The following TTC7B variants were observed in gnomAD, a reference collection of about 807,000 sequenced individuals.
The protein encoded by TTC7B is tetratricopeptide repeat protein 7B.
In TTC7B, 28 loss-of-function variants were observed where a neutral mutation model predicts 106.8. That is an observed-to-expected ratio of 0.26 (90% confidence interval 0.19 to 0.36). The LOEUF (loss-of-function observed/expected upper bound fraction) is 0.36, where lower values mean the gene tolerates loss of function less well. Ranked by LOEUF, TTC7B falls within the 10% of genes least tolerant of loss-of-function variation. TTC7B has a pLI of 1.00. For missense variants in TTC7B, 862 were observed against 1,076.4 expected, an observed-to-expected ratio of 0.80 and a Z score of 2.79; for synonymous variants, 405 against 430.6, an observed-to-expected ratio of 0.94 and a Z score of 0.74.
chr14:90,584,830 A>T (rs375139221), intron 18 of TTC7B, among the ~76,000 whole-genome samples: 3 of 152,020 alleles, frequency 2.0e-5, no homozygotes, highest in African/African-American at 7.2e-5. Flanking sequence ...ACCTGATCGC[A>T]GGGTGTCTGC....
At chr14:90,550,996 G>A (rs532359683) in intron 19 of TTC7B, among the ~76,000 whole-genome samples, 138 of 152,286 alleles carry the variant, frequency 9.1e-4, no homozygotes, top group Non-Finnish European at 1.6e-3. Flanking sequence ...AGCACCCCCT[G>A]GGAGAAGATG....
At chr14:90,606,375 A>G (rs151020627) in intron 17 of TTC7B, among the ~76,000 whole-genome samples, 90 of 152,338 alleles carry the variant, frequency 5.9e-4, no homozygotes, top group African/African-American at 2.1e-3. Flanking sequence ...CCGCCGCTGC[A>G]ATTAGAAATT....
intron 3 of TTC7B, among the ~76,000 whole-genome samples, chr14:90,749,102 T>C (rs752497078): frequency 3.3e-5 from 5 of 152,254 alleles, no homozygotes; most frequent in Non-Finnish European, 5.9e-5. Context: ...ATAATTCTGC[T>C]ATCACCCTTA....
At chr14:90,590,834 T>TC (rs1229814793) in intron 18 of TTC7B, among the ~76,000 whole-genome samples, 1 of 152,212 alleles carries the variant, frequency 6.6e-6, no homozygotes, top group African/African-American at 2.4e-5. Context: ...CTAATTGACT[T>TC]CATTCATTCG....
intron 1 of TTC7B, among the ~76,000 whole-genome samples, chr14:90,814,743 C>A (rs551530290): frequency 6.6e-6 from 1 of 152,060 alleles, no homozygotes; most frequent in African/African-American, 2.4e-5. Context: ...CAGGTGAGCC[C>A]GACACGGAGG....
rs541822388 is a variant in TTC7B at position 90,683,006 on chromosome 14, C to T, written c.951-2471G>A. Among the ~76,000 whole-genome samples, 95 of 152,126 alleles carry T rather than the reference C, an allele frequency of 6.2e-4. 1 individual carries two copies. The highest frequency in any genetic ancestry group is 1.2e-3 in the Non-Finnish European group (80 of 68,024). ...TAGTAATCATCATCTTGCCAGGGCT[C>T]CCACATAATAGCTTTTTCTTAAAAA... On this transcript the variant is annotated intron_variant, in intron 7 of 19. Transcript: ENST00000328459.
At chr14:90,772,188 C>A (rs553906361) in intron 3 of TTC7B, among the ~76,000 whole-genome samples, 59 of 151,908 alleles carry the variant, frequency 3.9e-4, no homozygotes, top group African/African-American at 1.4e-3. Flanking sequence ...TTCTGCAGGG[C>A]AATCTGGAAA....
At chr14:90,550,654 C>T (rs971574535) in intron 19 of TTC7B, among the ~76,000 whole-genome samples, 4 of 152,256 alleles carry the variant, frequency 2.6e-5, no homozygotes, top group South Asian at 4.2e-4. Context: ...TTAGTGACTC[C>T]GAGAGGAGGG....
At chr14:90,795,360 T>C (rs1218553976) in intron 1 of TTC7B, among the ~76,000 whole-genome samples, 1 of 152,212 alleles carries the variant, frequency 6.6e-6, no homozygotes, top group East Asian at 1.9e-4. Context: ...GCGGGGACCT[T>C]ACACTCGAAT....
chr14:90,676,890 G>C (rs2139924342), intron 8 of TTC7B, among the ~76,000 whole-genome samples: 1 of 152,270 alleles, frequency 6.6e-6, no homozygotes, highest in Admixed American at 6.5e-5. Context: ...TGAACCTAGA[G>C]GGCACCTGTA....
At chr14:90,620,838 C>T (rs752944629) in intron 15 of TTC7B, among the ~76,000 whole-genome samples, 2 of 152,224 alleles carry the variant, frequency 1.3e-5, no homozygotes, top group African/African-American at 2.4e-5. Context: ...TTCTAATTAA[C>T]ATAAAATAAC....
intron 3 of TTC7B, among the ~76,000 whole-genome samples, chr14:90,753,426 A>G (rs1890193808): frequency 6.6e-6 from 1 of 152,258 alleles, no homozygotes; most frequent in Admixed American, 6.5e-5. Flanking sequence ...ACTCAAGAAA[A>G]GAGATTCAAG....
intron 7 of TTC7B, among the ~76,000 whole-genome samples, chr14:90,685,508 C>T (rs67232684): frequency 0.13 from 20,250 of 152,092 alleles, 1,632 homozygotes; most frequent in Middle Eastern, 0.2. Context: ...ATGTGGAAAT[C>T]GATGAAACAG....
chr14:90,624,977 C>T lies in TTC7B; in HGVS notation c.1752-6932G>A, dbSNP rs767296197. On this transcript the variant is annotated intron_variant, in intron 15 of 19. Coordinates refer to ENST00000328459, the MANE Select transcript of TTC7B (RefSeq NM_001010854.2). This position sits in a 1 kb window ranked among gnomAD's most constrained non-coding sequence, Gnocchi z 4.0. ...TGCGGGATCTGCCCAAGCGGGGCAG[C>T]GGCTGAGGGGGCCCTGGATACCTTC... is the stretch of plus-strand genomic sequence containing the variant. Among the ~76,000 whole-genome samples the T allele has an allele frequency of 1.2e-4, 19 of 152,180 alleles. No individual in the cohort carries two copies. Among genetic ancestry groups the T allele is most frequent in the Non-Finnish European group, 1.0e-4 (7 of 68,030 alleles).
chr14:90,804,203 G>A (rs2030460110), intron 1 of TTC7B, among the ~76,000 whole-genome samples: 1 of 152,072 alleles, frequency 6.6e-6, no homozygotes, highest in South Asian at 2.1e-4. Flanking sequence ...GGCGTGGTGG[G>A]GGCGCCTGTA....
In TTC7B at chr14:90,663,756, T is replaced by C. The variant is rs1226665665; in HGVS notation, c.1153-5369A>G. On this transcript the variant is annotated intron_variant, in intron 9 of 19. Coordinates refer to ENST00000328459, the MANE Select transcript of TTC7B (RefSeq NM_001010854.2). This position sits in a 1 kb window ranked among gnomAD's most constrained non-coding sequence, Gnocchi z 4.5. The stretch of plus-strand genomic sequence containing the variant: ...GTGTCCTAAAGAGAGTTAGGAAATC[T>C]GGGTCAATTACAGATTAGCCCTCCA... 2.0e-5 allele frequency among the ~76,000 whole-genome samples: 3 copies of C among 152,232 alleles called. No homozygotes were observed. Among genetic ancestry groups the C allele is most frequent in the Non-Finnish European group, 2.9e-5 (2 of 68,044 alleles).
At chr14:90,574,597 T>C (rs180911466) in intron 19 of TTC7B, among the ~76,000 whole-genome samples, 4 of 152,326 alleles carry the variant, frequency 2.6e-5, no homozygotes, top group South Asian at 4.1e-4. Context: ...TGTTCATGAA[T>C]ACTAAAGTCA....
At chr14:90,696,643 C>A (rs1216039267) in intron 5 of TTC7B, among the ~76,000 whole-genome samples, 1 of 152,152 alleles carries the variant, frequency 6.6e-6, no homozygotes, top group Non-Finnish European at 1.5e-5. Flanking sequence ...GCATCTTATA[C>A]CTACATGACA....
At chr14:90,595,350 CATAA>C (rs1028764006) in intron 17 of TTC7B, among the ~76,000 whole-genome samples, 1 of 151,694 alleles carries the variant, frequency 6.6e-6, no homozygotes. Flanking sequence ...TAAATAAATG[CATAA>C]ATAAATAAAT....
Sources: gnomAD v4.1 joint callset for allele counts (sites outside exome capture counted in the v4.1 genomes callset) on GRCh38, gnomAD v4.1.1 for gene constraint, Gnocchi (gnomAD v3.1) non-coding constraint, MANE v1.5 for transcripts, NCBI Gene and HGNC (gene_info 2026-07-23, HGNC 2026-07-21) for gene names.